Variants in TMEM243 observed in about 807,000 individuals in gnomAD.
TMEM243 encodes the protein transmembrane protein 243, also known as MDR1 and mitochondrial taxol resistance associated.
In TMEM243, 20 loss-of-function variants were observed where a neutral mutation model predicts 15.0. The observed-to-expected ratio is 1.33, with a 90% CI of 0.94 to 1.93. The LOEUF is 1.93. Ranked by LOEUF, TMEM243 falls within the 30% of genes most tolerant of loss-of-function variation. TMEM243 has a pLI of 0.00. For missense variants in TMEM243, 156 were observed against 142.1 expected, an observed-to-expected ratio of 1.10 and a Z score of -0.50; for synonymous variants, 72 against 52.7, an observed-to-expected ratio of 1.37 and a Z score of -1.59.
upstream of TMEM243, chr7:87,219,834 GC>G (rs1188100622): frequency 2.9e-5 from 10 of 349,908 alleles, no homozygotes; most frequent in Non-Finnish European, 4.2e-5. Context: ...GTGGCTCTCC[GC>G]CCCTCTGGGC....
At chr7:87,209,541 T>TGAGAGACAATGA (rs1354223544) in intron 1 of TMEM243, among the ~76,000 whole-genome samples, 21 of 39,778 alleles carry the variant, frequency 5.3e-4, no homozygotes, top group Non-Finnish European at 1.0e-3. Context: ...AGAGAGAAAG[T>TGAGAGACAATGA]GAGAGACAAT....
chr7:87,197,820 G>GGGAGGATGAGGATATAA (rs1172482623), intron 3 of TMEM243, 121 bp downstream of exon 3: 4 of 1,551,826 alleles, frequency 2.6e-6, no homozygotes, highest in Non-Finnish European at 3.5e-6. Context: ...TACTTTTAGG[G>GGGAGGATGAGGATATAA]GGAGGATGAG....
intron 1 of TMEM243, among the ~76,000 whole-genome samples, chr7:87,219,054 C>T (rs1049406320): frequency 1.3e-5 from 2 of 152,044 alleles, no homozygotes; most frequent in Non-Finnish European, 2.9e-5. Flanking sequence ...CCCTTCTCGG[C>T]TCTCTCAGGA....
intron 1 of TMEM243, among the ~76,000 whole-genome samples, chr7:87,207,287 A>G (rs1802299372): frequency 6.6e-6 from 1 of 152,222 alleles, no homozygotes; most frequent in Admixed American, 6.5e-5. Flanking sequence ...CAAAACAGAG[A>G]AAAGTCTTTG....
intron 1 of TMEM243, among the ~76,000 whole-genome samples, chr7:87,207,238 T>A (rs1434422929): frequency 6.6e-6 from 1 of 152,196 alleles, no homozygotes; most frequent in Non-Finnish European, 1.5e-5. Flanking sequence ...AAATCAATCC[T>A]TCGGCAATGC....
At chr7:87,220,328 G>T (rs1324884076), upstream of TMEM243, 1 of 152,502 alleles carries the variant, frequency 6.6e-6, no homozygotes, top group Non-Finnish European at 1.5e-5. Flanking sequence ...TCCCGCCTCG[G>T]CCCTGCCCAT....
rs1801311422 is a variant in TMEM243 at position 87,196,833 on chromosome 7, GTATT to G, written c.235-79_235-76del. On this transcript the variant is annotated intron_variant, in intron 3 of 3. Transcript: ENST00000257637. ...TCTCTACCAATTTCAAATTTCATTA[GTATT>G]TGTTTATTCCCCTAAATGAGACAGA... is the stretch of plus-strand genomic sequence containing the variant. 5 of 1,091,016 alleles carry G rather than the reference GTATT, an allele frequency of 4.6e-6. No individual in the cohort carries two copies. In the South Asian group the frequency reaches 8.1e-5, roughly 18 times the overall value. 67.6% of individuals were successfully genotyped at this position (1,091,016 alleles called of 1,614,324 possible).
intron 3 of TMEM243, 118 bp from the exon 4 acceptor site, chr7:87,196,876 C>G (rs1018455129): frequency 8.7e-6 from 6 of 691,478 alleles, no homozygotes; most frequent in Non-Finnish European, 1.2e-5. Context: ...TCTCCATATT[C>G]TGAGGTCTCT....
intron 2 of TMEM243, chr7:87,198,462 T>C (rs1197486590): frequency 6.0e-6 from 1 of 167,918 alleles, no homozygotes; most frequent in Non-Finnish European, 1.3e-5. Context: ...GTTCTGTTTC[T>C]AACAGATGCA....
intron 3 of TMEM243, chr7:87,197,716 T>TTTTTG: frequency 8.4e-6 from 1 of 118,870 alleles, no homozygotes; most frequent in Non-Finnish European, 1.1e-5. Flanking sequence ...TTTTTTTTTT[T>TTTTTG]AAGCTATCAA....
At chr7:87,209,485 TGAGAGAGA>T (rs140490349) in intron 1 of TMEM243, among the ~76,000 whole-genome samples, 70 of 120,198 alleles carry the variant, frequency 5.8e-4, no homozygotes, top group African/African-American at 2.1e-3. Flanking sequence ...AGTGAGATAG[TGAGAGAGA>T]GAGAGAGAGA....
In TMEM243 at chr7:87,216,041, C is replaced by T. The variant is rs375557975; in HGVS notation, c.78+3385G>A. Reference sequence around the variant, plus strand: ...ATCCCAGCACTTTGGGAGGCCGAGGCGGGCAGATCACAAGGTCAGGAGATC... The same window carrying T: ...ATCCCAGCACTTTGGGAGGCCGAGGTGGGCAGATCACAAGGTCAGGAGATC... On this transcript the variant is annotated intron_variant, in intron 1 of 3. Transcript: ENST00000257637. 4.5e-4 allele frequency among the ~76,000 whole-genome samples: 69 copies of T among 152,050 alleles called. 2 individuals are homozygous for T. In the South Asian group the frequency reaches 0.014, roughly 30 times the overall value.
chr7:87,215,727 C>G (rs956172815), intron 1 of TMEM243, among the ~76,000 whole-genome samples: 9 of 152,204 alleles, frequency 5.9e-5, no homozygotes, highest in Non-Finnish European at 1.5e-5. Context: ...TAAAAAGCAT[C>G]TGGGCATTCA....
chr7:87,204,061 T>C (rs1802023816), intron 1 of TMEM243, among the ~76,000 whole-genome samples: 1 of 152,190 alleles, frequency 6.6e-6, no homozygotes, highest in Non-Finnish European at 1.5e-5. Context: ...CTCACAATCA[T>C]GGCATACAGT....
intron 2 of TMEM243, 197 bp downstream of exon 2, chr7:87,198,810 T>A: frequency 2.0e-6 from 1 of 506,856 alleles, no homozygotes; most frequent in Non-Finnish European, 3.4e-6. Flanking sequence ...AAAACGAAGT[T>A]GTCTGACTTG....
At chr7:87,210,365 G>A (rs537589446) in intron 1 of TMEM243, among the ~76,000 whole-genome samples, 3 of 152,194 alleles carry the variant, frequency 2.0e-5, no homozygotes, top group African/African-American at 7.2e-5. Context: ...CAGTCCCCCC[G>A]AAGTCTTAAC....
chr7:87,209,574 CAGTG>C (rs758411863), intron 1 of TMEM243, among the ~76,000 whole-genome samples: 26 of 137,292 alleles, frequency 1.9e-4, no homozygotes, highest in South Asian at 4.8e-4. Flanking sequence ...GAGAGAGAGA[CAGTG>C]AGAGAGACAG....
At chr7:87,200,794 C>T (rs1236387338) in intron 1 of TMEM243, among the ~76,000 whole-genome samples, 1 of 152,132 alleles carries the variant, frequency 6.6e-6, no homozygotes, top group Non-Finnish European at 1.5e-5. Flanking sequence ...AGATTCAGTG[C>T]CAGGCCTCCT....
chr7:87,199,064 G>A lies in TMEM243; in HGVS notation c.79-7C>T. 3 of 1,603,834 alleles carry A rather than the reference G, an allele frequency of 1.9e-6. No homozygotes were observed. Among genetic ancestry groups the A allele is most frequent in the Non-Finnish European group, 2.6e-6 (3 of 1,176,414 alleles). ...CTAAATTGATGATTCGATCCTGAAA[G>A]AGAAAAGAATTTTTAAGCCATATGA... On this transcript the variant is annotated splice_region_variant and splice_polypyrimidine_tract_variant and intron_variant, in intron 1 of 3. Coordinates refer to ENST00000257637, the MANE Select transcript of TMEM243 (RefSeq NM_024315.4).
Sources: gnomAD v4.1 joint callset for allele counts (sites outside exome capture counted in the v4.1 genomes callset) on GRCh38, gnomAD v4.1.1 for gene constraint, MANE v1.5 for transcripts, NCBI Gene and HGNC (gene_info 2026-07-23, HGNC 2026-07-21) for gene names.